Variants in SH3RF1 observed in about 807,000 individuals in gnomAD.
SH3RF1 encodes the protein E3 ubiquitin-protein ligase SH3RF1.
SH3RF1 carries 32 observed loss-of-function variants against 74.0 expected under a neutral mutation model. The ratio of observed to expected loss-of-function variants is 0.43; its 90% confidence interval spans 0.33 to 0.58. The LOEUF (loss-of-function observed/expected upper bound fraction) is 0.58. Among genes scored for constraint, SH3RF1 ranks in the 20% least tolerant of loss-of-function variants. The pLI, the probability that SH3RF1 is intolerant of heterozygous loss-of-function variation, is 0.05. For synonymous variants in SH3RF1, 396 were observed against 439.6 expected, an observed-to-expected ratio of 0.90 and a Z score of 1.24; for missense variants, 954 against 1,130.9, an observed-to-expected ratio of 0.84 and a Z score of 2.24.
At chr4:169,236,376 T>C (rs542836166) in intron 2 of SH3RF1, among the ~76,000 whole-genome samples, 5 of 152,308 alleles carry the variant, frequency 3.3e-5, no homozygotes, top group Admixed American at 6.5e-5. Context: ...CTAATGACTA[T>C]AATGAGCGGT....
intron 10 of SH3RF1, among the ~76,000 whole-genome samples, chr4:169,111,824 T>TA (rs1265239881): frequency 1.3e-5 from 2 of 152,154 alleles, no homozygotes; most frequent in African/African-American, 4.8e-5. Flanking sequence ...AGATGAAACA[T>TA]AGAGTTTCAG....
intron 2 of SH3RF1, among the ~76,000 whole-genome samples, chr4:169,198,338 GCAAA>G (rs1190054290): frequency 3.2e-5 from 4 of 125,106 alleles, no homozygotes; most frequent in Admixed American, 2.6e-4. Flanking sequence ...CTTCTGTACT[GCAAA>G]CAGTCTACAA....
At chr4:169,234,742 T>C (rs1730799359) in intron 2 of SH3RF1, among the ~76,000 whole-genome samples, 1 of 152,196 alleles carries the variant, frequency 6.6e-6, no homozygotes, top group African/African-American at 2.4e-5. Context: ...CTCTAAGGGA[T>C]CTTTTCTACT....
intron 2 of SH3RF1, among the ~76,000 whole-genome samples, chr4:169,259,995 A>T (rs1342128805): frequency 6.6e-6 from 1 of 152,220 alleles, no homozygotes; most frequent in African/African-American, 2.4e-5. Flanking sequence ...GTTTGCTTAA[A>T]CTACATTAAG....
At chr4:169,189,551 C>T (rs1579127721) in intron 2 of SH3RF1, among the ~76,000 whole-genome samples, 1 of 152,192 alleles carries the variant, frequency 6.6e-6, no homozygotes, top group African/African-American at 2.4e-5. Flanking sequence ...ACAGATCTTT[C>T]AAATCATAAA....
intron 2 of SH3RF1, among the ~76,000 whole-genome samples, chr4:169,254,099 G>A (rs1731146751): frequency 6.6e-6 from 1 of 152,352 alleles, no homozygotes; most frequent in Non-Finnish European, 1.5e-5. Context: ...ATAGTGGGAA[G>A]ATGAATGTGA....
chr4:169,258,940 A>T (rs1731231692), intron 2 of SH3RF1, among the ~76,000 whole-genome samples: 1 of 152,176 alleles, frequency 6.6e-6, no homozygotes, highest in Non-Finnish European at 1.5e-5. Context: ...CAGGAACTTT[A>T]TACAAATGCT....
intron 10 of SH3RF1, 64 bp downstream of exon 10, chr4:169,116,205 C>T: frequency 2.0e-6 from 3 of 1,537,620 alleles, no homozygotes; most frequent in Non-Finnish European, 2.6e-6. Context: ...ATGACAGACA[C>T]AACATAAGAA....
Position 169,130,106 on chromosome 4 carries a change from T to C in SH3RF1, c.1119A>G (p.Pro373=), listed in dbSNP as rs1168496770. ...GLIVTPPPSS[P]VTTGPSFTFP... is the part of the protein sequence containing the mutation. Reference sequence around the variant, plus strand: ...AAGTAAACGAGGGGCCAGTTGTCACTGGGCTGCTTGGGGGCGGGGTCACAA... The same window carrying C: ...AAGTAAACGAGGGGCCAGTTGTCACCGGGCTGCTTGGGGGCGGGGTCACAA... Residue 373 remains proline, a synonymous_variant, in exon 6 of 12, where the codon CCA becomes CCG. Transcript: ENST00000284637. 1.9e-6 allele frequency: 3 copies of C among 1,610,780 alleles called. No individual in the cohort carries two copies. Among genetic ancestry groups the C allele is most frequent in the African/African-American group, 2.7e-5 (2 of 74,604 alleles).
intron 2 of SH3RF1, among the ~76,000 whole-genome samples, chr4:169,180,926 C>T (rs1399171596): frequency 1.3e-5 from 2 of 152,094 alleles, no homozygotes; most frequent in Admixed American, 1.3e-4. Context: ...CAGCACTAGC[C>T]GGACGAAGGG....
intron 2 of SH3RF1, among the ~76,000 whole-genome samples, chr4:169,164,856 G>A (rs1734209969): frequency 6.6e-6 from 1 of 152,152 alleles, no homozygotes; most frequent in Non-Finnish European, 1.5e-5. Context: ...AGTTGATATG[G>A]CATTTCTCTT....
intron 4 of SH3RF1, among the ~76,000 whole-genome samples, chr4:169,138,356 G>T (rs992417943): frequency 6.6e-6 from 1 of 152,158 alleles, no homozygotes; most frequent in African/African-American, 2.4e-5. Context: ...AGATTGAAAA[G>T]CTACTTCATC....
chr4:169,220,974 T>C (rs1391724938), intron 2 of SH3RF1, among the ~76,000 whole-genome samples: 1 of 152,258 alleles, frequency 6.6e-6, no homozygotes, highest in African/African-American at 2.4e-5. Context: ...CAAACAATTC[T>C]GGTTTAGTTA....
intron 10 of SH3RF1, among the ~76,000 whole-genome samples, chr4:169,113,708 T>C (rs576313269): frequency 6.6e-6 from 1 of 152,190 alleles, no homozygotes; most frequent in South Asian, 2.1e-4. Context: ...AGATTCATGA[T>C]TAAGTGACAA....
Position 169,155,448 on chromosome 4 carries a change from A to C in SH3RF1, c.765+32T>G, listed in dbSNP as rs761438138. 6.8e-5 allele frequency: 101 copies of C among 1,490,454 alleles called. No homozygotes were observed. In the African/African-American group the frequency reaches 1.3e-3, roughly 19 times the overall value. The allele number at this position is 1,490,454 out of a possible 1,614,324, so 92.3% of individuals were successfully genotyped here. A position where few individuals can be genotyped will look rare whatever the true frequency, so the allele number is the denominator to read the frequency against. ...AGATTTATTTAGTAAGCTGAATATTAACACAGTTCAAGTTTCTACAGATTA... is the reference window on the plus strand; with the variant it reads ...AGATTTATTTAGTAAGCTGAATATTCACACAGTTCAAGTTTCTACAGATTA... On this transcript the variant is annotated intron_variant, in intron 4 of 11. Transcript: ENST00000284637.
chr4:169,233,945 T>A (rs932320223), intron 2 of SH3RF1, among the ~76,000 whole-genome samples: 5 of 152,212 alleles, frequency 3.3e-5, no homozygotes, highest in African/African-American at 1.2e-4. Flanking sequence ...TACCATCTGC[T>A]TCCCCATCCT....
rs35680762 is a variant in SH3RF1 at position 169,173,999 on chromosome 4, T to TTATA, written c.394-17324_394-17321dup. ...AGTTCTTCAATTGTAATTTCCTGAGTTATATATATATATATATGGTGACTG... is the reference window on the plus strand; with the variant it reads ...AGTTCTTCAATTGTAATTTCCTGAGTTATATATATATATATATATATGGTGACTG... On this transcript the variant is annotated intron_variant, in intron 2 of 11. Coordinates refer to ENST00000284637, the MANE Select transcript of SH3RF1 (RefSeq NM_020870.4). Among the ~76,000 whole-genome samples the TTATA allele has an allele frequency of 3.9e-3, 578 of 149,074 alleles. 1 individual carries two copies. The highest frequency in any genetic ancestry group is 6.2e-3 in the Admixed American group (93 of 14,884).
At chr4:169,112,754 C>T (rs1462048592) in intron 10 of SH3RF1, among the ~76,000 whole-genome samples, 1 of 152,120 alleles carries the variant, frequency 6.6e-6, no homozygotes, top group Non-Finnish European at 1.5e-5. Flanking sequence ...TGAGCTTAAA[C>T]TTGCAAAAAT....
rs1355512583 is a variant in SH3RF1, at chr4:169,120,866, G to T, written c.1470C>A (p.Thr490=). The T allele has an allele frequency of 3.1e-6, 5 of 1,614,192 alleles. No homozygotes were observed. The highest frequency in any genetic ancestry group is 4.2e-6 in the Non-Finnish European group (5 of 1,180,038). Residue 490 remains threonine, a synonymous_variant, in exon 8 of 12, where the codon ACC becomes ACA. Transcript: ENST00000284637. ...DGWFKGTSMH[T]SKIGVFPGNY... ...TGCCAGGGAAAACCCCTATCTTGCT[G>T]GTATGCATGGATGTCCCTTTGAACC...
Sources: allele counts gnomAD v4.1 joint callset (sites outside exome capture counted in the v4.1 genomes callset), GRCh38; gene constraint gnomAD v4.1.1; transcripts MANE v1.5; gene names NCBI Gene and HGNC (gene_info 2026-07-23, HGNC 2026-07-21).